The following ARHGEF7 variants were observed in gnomAD, a reference collection of about 807,000 sequenced individuals.
ARHGEF7 encodes the protein Rho guanine nucleotide exchange factor 7.
ARHGEF7 carries 33 observed loss-of-function variants against 109.8 expected under a neutral mutation model. The ratio of observed to expected loss-of-function variants is 0.30; its 90% CI spans 0.23 to 0.40. The LOEUF is 0.40. ARHGEF7 is among the 10% of genes least tolerant of loss of function. The pLI, the probability that ARHGEF7 is intolerant of heterozygous loss-of-function variation, is 1.00. For missense variants in ARHGEF7, 938 were observed against 1,098.5 expected, an observed-to-expected ratio of 0.85 and a Z score of 2.07; for synonymous variants, 458 against 424.6, an observed-to-expected ratio of 1.08 and a Z score of -0.97.
chr13:111,247,627 G>A (rs991745994), intron 8 of ARHGEF7, among the ~76,000 whole-genome samples: 2 of 151,640 alleles, frequency 1.3e-5, no homozygotes, highest in South Asian at 2.1e-4. Context: ...GACTTGATTC[G>A]TAGATGTCCA....
At chr13:111,200,909 C>CT (rs2081139719) in intron 2 of ARHGEF7, among the ~76,000 whole-genome samples, 1 of 152,176 alleles carries the variant, frequency 6.6e-6, no homozygotes, top group African/African-American at 2.4e-5. Context: ...CCAGAAGCTG[C>CT]TTGTTCAGTG....
intron 20 of ARHGEF7, 23 bp downstream of exon 20, chr13:111,300,870 A>G: frequency 6.5e-7 from 1 of 1,526,930 alleles, no homozygotes; most frequent in Non-Finnish European, 9.0e-7. Flanking sequence ...CCGGTATTCT[A>G]AAGCAGATGT....
At chr13:111,275,757 C>G (rs771000400) in intron 12 of ARHGEF7, 79 bp downstream of exon 12, 1 of 1,560,554 alleles carries the variant, frequency 6.4e-7, no homozygotes, top group Non-Finnish European at 8.8e-7. Flanking sequence ...AAAGGCATCT[C>G]AAGCGATGAA....
At position 111,245,517 on chromosome 13, in the gene ARHGEF7, A is replaced by C. The variant is rs1047497679; in HGVS notation, c.950+1223A>C. On this transcript the variant is annotated intron_variant, in intron 8 of 21. Coordinates refer to ENST00000646102, the MANE Select transcript of ARHGEF7 (RefSeq NM_001354046.2). ...GCTTCAAATGCCGATCAACTGTAGA[A>C]CAGTCAACGTTGAGTTCTTTAGCAG... 1.4e-4 allele frequency among the ~76,000 whole-genome samples: 22 copies of C among 152,190 alleles called. 1 individual carries two copies. Among genetic ancestry groups the C allele is most frequent in the Admixed American group, 1.3e-3 (20 of 15,280 alleles).
intron 3 of ARHGEF7, among the ~76,000 whole-genome samples, chr13:111,205,866 C>G (rs1462853400): frequency 6.6e-6 from 1 of 152,026 alleles, no homozygotes; most frequent in Admixed American, 6.5e-5. Flanking sequence ...TGGTCCTAGC[C>G]CCCATTAGTA....
chr13:111,261,492 C>A (rs1045142051), intron 8 of ARHGEF7, among the ~76,000 whole-genome samples: 1 of 152,018 alleles, frequency 6.6e-6, no homozygotes, highest in African/African-American at 2.4e-5. Flanking sequence ...AAAGATAAAC[C>A]CCAATACAAT....
In ARHGEF7 at chr13:111,288,371, G is replaced by C; in HGVS notation, c.2062G>C (p.Glu688Gln). ...ASRKSTAALE[E>Q]DAQILKVIEA... The stretch of plus-strand genomic sequence containing the variant: ...CTTGACAGGCACAGCTGCTTTGGAA[G>C]AAGATGCTCAGATTCTGAAAGTCAT... Residue 688 changes from glutamate (E) to glutamine (Q), a missense_variant, in exon 18 of 22, where the codon GAA (glutamate) becomes CAA (glutamine). Transcript: ENST00000646102. 6.2e-7 allele frequency: 1 copy of C among 1,613,294 alleles called. No individual in the cohort carries two copies. The highest frequency in any genetic ancestry group is 1.7e-5 in the Admixed American group (1 of 60,032).
intron 6 of ARHGEF7, among the ~76,000 whole-genome samples, chr13:111,237,785 C>A (rs934773750): frequency 1.8e-4 from 27 of 152,148 alleles, no homozygotes; most frequent in Non-Finnish European, 3.1e-4. Context: ...TATGAAATTA[C>A]ACAGGTGATA....
chr13:111,149,392 A>G lies in ARHGEF7; in HGVS notation c.166-4513A>G, dbSNP rs140637953. On this transcript the variant is annotated intron_variant, in intron 1 of 21. Transcript: ENST00000646102. Reference sequence around the variant, plus strand: ...TTGTGTTAACTCAGTTCAGAAAAAAATCATAGCAATTAGATTCTTATGGCT... The same window carrying G: ...TTGTGTTAACTCAGTTCAGAAAAAAGTCATAGCAATTAGATTCTTATGGCT... Among the ~76,000 whole-genome samples the G allele has an allele frequency of 6.8e-3, 1,035 of 152,348 alleles. 12 individuals are homozygous for G. Among genetic ancestry groups the G allele is most frequent in the African/African-American group, 0.024 (987 of 41,588 alleles).
intron 21 of ARHGEF7, 125 bp downstream of exon 21, chr13:111,301,657 C>T (rs1017085474): frequency 8.7e-6 from 6 of 690,000 alleles, no homozygotes; most frequent in Non-Finnish European, 1.4e-5. Flanking sequence ...CTTTAGAAGG[C>T]CGAGGTGGAC....
In ARHGEF7 at chr13:111,289,134, T is replaced by C. The variant is rs577771132; in HGVS notation, c.2134+691T>C. 3.3e-5 allele frequency among the ~76,000 whole-genome samples: 5 copies of C among 152,146 alleles called. No individual in the cohort carries two copies. In the South Asian group the frequency reaches 1.0e-3, roughly 32 times the overall value. ...GCAACCTCTGCCTCCTGGGTTCAAG[T>C]GATTCTTCTATCTCAGCCTCCTGAG... On this transcript the variant is annotated intron_variant, in intron 18 of 21. Transcript: ENST00000646102.
chr13:111,293,560 G>A lies in ARHGEF7; in HGVS notation c.2311+1266G>A, dbSNP rs1397131858. 5.1e-6 allele frequency: 5 copies of A among 985,174 alleles called. No homozygotes were observed. The Admixed American group carries it at 3.1e-4, about 61-fold the overall frequency. The allele number at this position is 985,174 out of a possible 1,614,324, so 61.0% of individuals were successfully genotyped here. A position where few individuals can be genotyped will look rare whatever the true frequency, so the allele number is the denominator to read the frequency against. On this transcript the variant is annotated intron_variant, in intron 19 of 21. Transcript: ENST00000646102. ...ATGTGACCTGTTGCATTCAGTTGTAGCATCAAATCCACACCTAGTCATTGC... is the reference window on the plus strand; with the variant it reads ...ATGTGACCTGTTGCATTCAGTTGTAACATCAAATCCACACCTAGTCATTGC...
chr13:111,133,809 ATATATT>A (rs2074943635), intron 1 of ARHGEF7, among the ~76,000 whole-genome samples: 1 of 43,380 alleles, frequency 2.3e-5, no homozygotes, highest in Non-Finnish European at 4.3e-5. Flanking sequence ...ATATATATAT[ATATATT>A]TATTATACTT....
intron 2 of ARHGEF7, among the ~76,000 whole-genome samples, chr13:111,155,076 T>A (rs1360299328): frequency 6.6e-6 from 1 of 152,210 alleles, no homozygotes; most frequent in Non-Finnish European, 1.5e-5. Context: ...TACTAGGTAG[T>A]GTATGAAACC....
chr13:111,276,035 A>C lies in ARHGEF7; in HGVS notation c.1419+357A>C, dbSNP rs376707995. On this transcript the variant is annotated intron_variant, in intron 12 of 21. Transcript: ENST00000646102. Reference sequence around the variant, plus strand: ...CAACTTTGTACCAAGGCTCACTCTCACAGGGACCTGCTGCTCTCAATGCTT... The same window carrying C: ...CAACTTTGTACCAAGGCTCACTCTCCCAGGGACCTGCTGCTCTCAATGCTT... The C allele has an allele frequency of 6.9e-5, 18 of 261,140 alleles. 1 individual carries two copies. The highest frequency in any genetic ancestry group is 4.9e-4 in the South Asian group (10 of 20,316). The allele number at this position is 261,140 out of a possible 1,614,324, so 16.2% of individuals were successfully genotyped here. A position where few individuals can be genotyped will look rare whatever the true frequency, so the allele number is the denominator to read the frequency against.
At chr13:111,173,157 G>T (rs1354015098) in intron 2 of ARHGEF7, among the ~76,000 whole-genome samples, 1 of 152,108 alleles carries the variant, frequency 6.6e-6, no homozygotes, top group Non-Finnish European at 1.5e-5. Context: ...CAGAGTTGGT[G>T]TCAGAGTGCA....
chr13:111,213,286 G>A (rs557922114), intron 4 of ARHGEF7, among the ~76,000 whole-genome samples: 1 of 152,314 alleles, frequency 6.6e-6, no homozygotes, highest in South Asian at 2.1e-4. Flanking sequence ...CCTGGATGGG[G>A]TCTCTTCTCC....
intron 1 of ARHGEF7, among the ~76,000 whole-genome samples, chr13:111,129,801 C>T (rs892089942): frequency 9.2e-5 from 14 of 152,218 alleles, no homozygotes; most frequent in African/African-American, 3.4e-4. Flanking sequence ...ACAACTGCTT[C>T]GGAAAACAGT....
intron 2 of ARHGEF7, among the ~76,000 whole-genome samples, chr13:111,188,519 A>G (rs2079511790): frequency 6.6e-6 from 1 of 152,206 alleles, no homozygotes; most frequent in Admixed American, 6.5e-5. Flanking sequence ...TGGATCCCCC[A>G]GAGGATCAGC....
Sources: gnomAD v4.1 joint callset for allele counts (sites outside exome capture counted in the v4.1 genomes callset) on GRCh38, gnomAD v4.1.1 for gene constraint, MANE v1.5 for transcripts, NCBI Gene and HGNC (gene_info 2026-07-23, HGNC 2026-07-21) for gene names.